Variants in PLXDC2 observed in about 807,000 individuals in gnomAD.
PLXDC2 encodes the protein plexin domain-containing protein 2.
In PLXDC2, 40 loss-of-function variants were observed where a neutral mutation model predicts 68.9. That is an observed-to-expected ratio of 0.58 (90% CI 0.45 to 0.76). PLXDC2 has a LOEUF of 0.76. Among genes scored for constraint, PLXDC2 ranks in the 30% least tolerant of loss-of-function variants. The pLI is 0.00. For missense variants in PLXDC2, 644 were observed against 661.9 expected (o/e 0.97, Z 0.30); for synonymous variants, 243 against 234.2 (o/e 1.04, Z -0.34).
chr10:19,872,294 C>T (rs1041305889), intron 1 of PLXDC2, among the ~76,000 whole-genome samples: 9 of 152,310 alleles, frequency 5.9e-5, no homozygotes, highest in South Asian at 4.1e-4. Flanking sequence ...TAATGGCGAG[C>T]ACCTCAAAGC....
chr10:20,189,199 C>G (rs1233233025), intron 9 of PLXDC2, among the ~76,000 whole-genome samples: 2 of 150,216 alleles, frequency 1.3e-5, no homozygotes, highest in Non-Finnish European at 3.0e-5. Context: ...TATAATAATA[C>G]AGTGAGGTAT....
chr10:20,157,573 G>A, intron 6 of PLXDC2, among the ~76,000 whole-genome samples: 1 of 152,148 alleles, frequency 6.6e-6, no homozygotes, highest in East Asian at 1.9e-4. Flanking sequence ...GAATTGTTTG[G>A]GGTTCCTGTG....
intron 1 of PLXDC2, among the ~76,000 whole-genome samples, chr10:19,918,727 C>T (rs1833409419): frequency 6.6e-6 from 1 of 152,168 alleles, no homozygotes. Context: ...TATCGAGACT[C>T]TTGACGAACA....
At chr10:19,944,326 A>G (rs1007708989) in intron 1 of PLXDC2, among the ~76,000 whole-genome samples, 1 of 151,966 alleles carries the variant, frequency 6.6e-6, no homozygotes. Context: ...TTCAGAGTAT[A>G]TATGAATTCA....
At chr10:19,881,512 C>G (rs1837727293) in intron 1 of PLXDC2, among the ~76,000 whole-genome samples, 1 of 152,108 alleles carries the variant, frequency 6.6e-6, no homozygotes, top group Non-Finnish European at 1.5e-5. Context: ...GTTACAAAGA[C>G]TTAATTAGTA....
intron 3 of PLXDC2, among the ~76,000 whole-genome samples, chr10:20,066,120 C>T (rs1162141152): frequency 6.6e-6 from 1 of 152,182 alleles, no homozygotes; most frequent in Non-Finnish European, 1.5e-5. Context: ...GATTCCATAT[C>T]AGAGTGAAGC....
intron 1 of PLXDC2, among the ~76,000 whole-genome samples, chr10:19,965,370 A>AT (rs894876625): frequency 3.3e-5 from 5 of 152,160 alleles, no homozygotes; most frequent in African/African-American, 1.2e-4. Context: ...ACTATTGGCC[A>AT]TTTTTTGGTG....
chr10:19,854,229 A>G (rs1241538223), intron 1 of PLXDC2, among the ~76,000 whole-genome samples: 2 of 152,226 alleles, frequency 1.3e-5, no homozygotes, highest in Admixed American at 6.5e-5. Context: ...TCGGGACATC[A>G]TATAAACTGT....
intron 1 of PLXDC2, among the ~76,000 whole-genome samples, chr10:19,869,499 A>T (rs1385941204): frequency 1.1e-5 from 1 of 88,842 alleles, no homozygotes; most frequent in Non-Finnish European, 2.2e-5. Flanking sequence ...GGAGGGAGGG[A>T]GGGAGACCAG....
intron 12 of PLXDC2, among the ~76,000 whole-genome samples, chr10:20,236,934 T>C (rs1245807379): frequency 2.0e-5 from 3 of 152,126 alleles, no homozygotes; most frequent in Non-Finnish European, 2.9e-5. Context: ...CCTTTTAATA[T>C]TATTTCATAG....
At chr10:19,828,454 A>G (rs961357918) in intron 1 of PLXDC2, among the ~76,000 whole-genome samples, 3 of 152,242 alleles carry the variant, frequency 2.0e-5, no homozygotes, top group Admixed American at 6.5e-5. Flanking sequence ...AGCTCAGCAC[A>G]GTCCATGACT....
intron 1 of PLXDC2, among the ~76,000 whole-genome samples, chr10:19,855,402 A>G (rs1442722118): frequency 6.6e-6 from 1 of 152,166 alleles, no homozygotes; most frequent in Non-Finnish European, 1.5e-5. Flanking sequence ...ACTGGATTTG[A>G]GTCCTAGGTC....
chr10:20,117,734 C>T (rs1833640241), intron 4 of PLXDC2, among the ~76,000 whole-genome samples: 1 of 152,156 alleles, frequency 6.6e-6, no homozygotes, highest in Admixed American at 6.5e-5. Flanking sequence ...TCTCCCTGTT[C>T]TCAGTAATTG....
rs530230216 is a variant in PLXDC2 at position 20,104,940 on chromosome 10, A to G, written c.541+36701A>G. Among the ~76,000 whole-genome samples, 8 of 150,978 alleles carry G rather than the reference A, an allele frequency of 5.3e-5. No homozygotes were observed. In the South Asian group the frequency reaches 1.7e-3, roughly 32 times the overall value. On this transcript the variant is annotated intron_variant, in intron 4 of 13. Coordinates refer to ENST00000377252, the MANE Select transcript of PLXDC2 (RefSeq NM_032812.9). ...GTGGCGTGTGCCTGTAATCCCAGCT[A>G]CTCAGGAGGCTGAGGCAGGAGAATC... is the stretch of plus-strand genomic sequence containing the variant.
chr10:19,827,594 T>G (rs534141725), intron 1 of PLXDC2, among the ~76,000 whole-genome samples: 2 of 152,136 alleles, frequency 1.3e-5, no homozygotes, highest in East Asian at 3.9e-4. Context: ...AGAGTCTCAC[T>G]TTGTTGCCCA....
chr10:19,917,539 G>T (rs1232346454), intron 1 of PLXDC2, among the ~76,000 whole-genome samples: 1 of 152,088 alleles, frequency 6.6e-6, no homozygotes, highest in Non-Finnish European at 1.5e-5. Flanking sequence ...ATTCAGTTCA[G>T]CCTCAATCCT....
chr10:19,857,359 T>C (rs2131331741), intron 1 of PLXDC2, among the ~76,000 whole-genome samples: 1 of 152,336 alleles, frequency 6.6e-6, no homozygotes, highest in South Asian at 2.1e-4. Flanking sequence ...CTTAAAGCTG[T>C]ATTAATATTA....
rs189466047 is a variant in PLXDC2 at position 19,862,506 on chromosome 10, A to G, written c.112+45315A>G. On this transcript the variant is annotated intron_variant, in intron 1 of 13. Transcript: ENST00000377252. ...CGAAGCGTTACAATAAGATAACAGA[A>G]TTGTGGAAAGGAAGAACAAAGAGGG... Among the ~76,000 whole-genome samples the G allele has an allele frequency of 9.5e-4, 144 of 152,372 alleles. 2 individuals are homozygous for G. The highest frequency in any genetic ancestry group is 3.5e-3 in the Admixed American group (53 of 15,302).
intron 1 of PLXDC2, among the ~76,000 whole-genome samples, chr10:19,940,890 A>G (rs1833808347): frequency 6.6e-6 from 1 of 152,334 alleles, no homozygotes. Context: ...TTAAATAATT[A>G]TCTTGTTTGG....
Sources: allele counts gnomAD v4.1 joint callset (sites outside exome capture counted in the v4.1 genomes callset), GRCh38; gene constraint gnomAD v4.1.1; transcripts MANE v1.5; gene names NCBI Gene and HGNC (gene_info 2026-07-23, HGNC 2026-07-21).